The following FBXO4 variants were observed in gnomAD, a reference collection of about 807,000 sequenced individuals.
FBXO4 encodes F-box only protein 4.
A neutral mutation model predicts 43.7 loss-of-function variants in FBXO4; 36 were observed. The ratio of observed to expected loss-of-function variants is 0.82; its 90% CI spans 0.63 to 1.09. The LOEUF (loss-of-function observed/expected upper bound fraction) is 1.09. FBXO4 is among the 50% of genes least tolerant of loss of function. The pLI is 0.00. For missense variants in FBXO4, 435 were observed against 474.1 expected, an observed-to-expected ratio of 0.92 and a Z score of 0.77; for synonymous variants, 180 against 165.6, an observed-to-expected ratio of 1.09 and a Z score of -0.67.
Position 41,934,022 on chromosome 5 carries a change from G to A in FBXO4, c.722+1G>A. On this transcript the variant is annotated splice_donor_variant, in intron 4 of 6. Coordinates refer to ENST00000281623, the MANE Select transcript of FBXO4 (RefSeq NM_012176.3). LOFTEE classifies it high-confidence loss of function. ...TTCTAATCTTATATTCAACTACCAG[G>A]TAAGGCTACATACTTGGTGGCTTAA... The A allele has an allele frequency of 2.5e-6, 4 of 1,613,600 alleles. No individual in the cohort carries two copies. Among genetic ancestry groups the A allele is most frequent in the Non-Finnish European group, 3.4e-6 (4 of 1,179,680 alleles).
chr5:41,972,629 C>A, the FBXO4 span, among the ~76,000 whole-genome samples: 1 of 152,060 alleles, frequency 6.6e-6, no homozygotes, highest in African/African-American at 2.4e-5. Context: ...CAATCCTAAG[C>A]AGAAAGAACA....
the FBXO4 span, among the ~76,000 whole-genome samples, chr5:42,031,554 A>G: frequency 6.6e-6 from 1 of 151,996 alleles, no homozygotes; most frequent in Non-Finnish European, 1.5e-5. Context: ...GCACATGTAT[A>G]CATATGTAAC....
chr5:41,992,749 T>G, the FBXO4 span, among the ~76,000 whole-genome samples: 1 of 152,234 alleles, frequency 6.6e-6, no homozygotes, highest in African/African-American at 2.4e-5. Flanking sequence ...TGCAATTGAT[T>G]GGAAATCTTG....
chr5:42,019,709 CAAGA>C, the FBXO4 span, among the ~76,000 whole-genome samples: 12 of 150,052 alleles, frequency 8.0e-5, no homozygotes, highest in Non-Finnish European at 1.5e-4. Context: ...AAAAAAAAAC[CAAGA>C]AAGAAAGAAA....
Position 41,926,994 on chromosome 5 carries a change from C to G in FBXO4, c.190-19C>G, listed in dbSNP as rs1453785161. On this transcript the variant is annotated intron_variant, in intron 1 of 6. Coordinates refer to ENST00000281623, the MANE Select transcript of FBXO4 (RefSeq NM_012176.3). ...TTTCTTCATTCCTTTTTCCTACCTG[C>G]TGCTTTCTTCTGTTTCAGATTGATG... 1 of 1,483,062 alleles carries G rather than the reference C, an allele frequency of 6.7e-7. No homozygotes were observed. 91.9% of individuals were successfully genotyped at this position (1,483,062 alleles called of 1,614,324 possible). A position where few individuals can be genotyped will look rare whatever the true frequency, so the allele number is the denominator to read the frequency against.
the FBXO4 span, among the ~76,000 whole-genome samples, chr5:41,959,523 T>A: frequency 6.6e-6 from 1 of 152,196 alleles, no homozygotes. Context: ...TTTGGTATTA[T>A]ATTTGTCTTT....
At chr5:41,999,508 T>TATATATATATATATAC in the FBXO4 span, among the ~76,000 whole-genome samples, 2 of 57,030 alleles carry the variant, frequency 3.5e-5, no homozygotes, top group Non-Finnish European at 6.3e-5. Context: ...TATATATGTG[T>TATATATATATATATAC]ATATATATAT....
the FBXO4 span, among the ~76,000 whole-genome samples, chr5:41,987,202 G>A: frequency 6.6e-6 from 1 of 152,034 alleles, no homozygotes; most frequent in African/African-American, 2.4e-5. Flanking sequence ...ATAACATTAT[G>A]TTCATTTAGA....
chr5:41,927,826 A>G (rs1405051594), intron 2 of FBXO4, among the ~76,000 whole-genome samples: 2 of 152,188 alleles, frequency 1.3e-5, no homozygotes, highest in Admixed American at 6.5e-5. Context: ...ATTAAGGTTC[A>G]TGGAGGTTAT....
chr5:41,979,132 T>C, the FBXO4 span, among the ~76,000 whole-genome samples: 1 of 152,210 alleles, frequency 6.6e-6, no homozygotes, highest in Non-Finnish European at 1.5e-5. Context: ...CTCTATGTCT[T>C]AGTTTGTGGC....
chr5:41,953,819 C>G, the FBXO4 span, among the ~76,000 whole-genome samples: 3 of 151,760 alleles, frequency 2.0e-5, no homozygotes, highest in Middle Eastern at 3.4e-3. Flanking sequence ...CTGTTCATAT[C>G]CTTTGCCCAC....
chr5:42,029,803 C>A, the FBXO4 span, among the ~76,000 whole-genome samples: 1 of 151,962 alleles, frequency 6.6e-6, no homozygotes, highest in East Asian at 1.9e-4. Flanking sequence ...CTGCTTGATT[C>A]TTTTAAATTA....
the FBXO4 span, among the ~76,000 whole-genome samples, chr5:42,035,836 T>C: frequency 1.3e-5 from 2 of 152,094 alleles, no homozygotes; most frequent in African/African-American, 4.8e-5. Context: ...AAGTACTGAA[T>C]GGTTAAGATT....
At chr5:41,925,524 G>A in intron 1 of FBXO4, 26 bp downstream of exon 1, 2 of 1,301,674 alleles carry the variant, frequency 1.5e-6, no homozygotes, top group East Asian at 3.1e-5. Context: ...AGGCCGCGGA[G>A]GACAGTGGGG....
Position 41,939,500 on chromosome 5 carries a change from T to A in FBXO4, c.958T>A (p.Ser320Thr), listed in dbSNP as rs907583980. ...IMAMTDPAFG[S>T]SGRPLLVLSC... ...GGCAATGACAGATCCAGCCTTTGGG[T>A]CTTCGGGAAGACCATTGTTGGTTTT... The change falls in exon 6 of 7, where the codon TCT (serine) becomes ACT (threonine). Residue 320 changes from serine (S) to threonine (T), a missense_variant. Transcript: ENST00000281623. 1.2e-6 allele frequency: 2 copies of A among 1,613,772 alleles called. No individual in the cohort carries two copies. The highest frequency in any genetic ancestry group is 1.7e-6 in the Non-Finnish European group (2 of 1,179,850).
Position 41,929,795 on chromosome 5 carries a change from ATGAACCACGATT to A in FBXO4, c.527_538del (p.Glu176_Phe179del), listed in dbSNP as rs1179797177. On this transcript the variant is annotated inframe_deletion, in exon 3 of 7. Coordinates refer to ENST00000281623, the MANE Select transcript of FBXO4 (RefSeq NM_012176.3). ...TTTTTACACTCCCTGATCATTCAGA[ATGAACCACGATT>A]TGCTATGTTTGGACCAGGTTTGGAA... The A allele has an allele frequency of 6.2e-7, 1 of 1,614,206 alleles. No homozygotes were observed. Among genetic ancestry groups the A allele is most frequent in the African/African-American group, 1.3e-5 (1 of 75,060 alleles).
the FBXO4 span, among the ~76,000 whole-genome samples, chr5:42,040,239 A>C: frequency 6.6e-6 from 1 of 152,044 alleles, no homozygotes. Context: ...TCATATTTCA[A>C]ATAATTTAAT....
chr5:41,967,656 T>G, the FBXO4 span: 1 of 758,580 alleles, frequency 1.3e-6, no homozygotes, highest in Non-Finnish European at 2.3e-6. Context: ...TCCCACACAC[T>G]GCATGGAGTA....
the FBXO4 span, among the ~76,000 whole-genome samples, chr5:41,959,587 T>C: frequency 6.6e-6 from 1 of 152,184 alleles, no homozygotes; most frequent in Non-Finnish European, 1.5e-5. Flanking sequence ...TCTATTTTCA[T>C]TTTTCTGCAT....
Sources: gnomAD v4.1 joint callset for allele counts (sites outside exome capture counted in the v4.1 genomes callset) on GRCh38, gnomAD v4.1.1 for gene constraint, MANE v1.5 for transcripts, NCBI Gene and HGNC (gene_info 2026-07-23, HGNC 2026-07-21) for gene names.